The following CNTN3 variants were observed in gnomAD, a reference collection of about 807,000 sequenced individuals.
CNTN3 encodes contactin-3.
A neutral mutation model predicts 119.1 loss-of-function variants in CNTN3; 60 were observed. The ratio of observed to expected loss-of-function variants is 0.50; its 90% CI spans 0.41 to 0.62. The LOEUF is 0.62. CNTN3 is among the 20% of genes least tolerant of loss of function. The pLI, the probability that CNTN3 is intolerant of heterozygous loss-of-function variation, is 0.00. For synonymous variants in CNTN3, 450 were observed against 438.7 expected, an observed-to-expected ratio of 1.03 and a Z score of -0.32; for missense variants, 1,101 against 1,242.4, an observed-to-expected ratio of 0.89 and a Z score of 1.71.
At chr3:74,589,972 G>T (rs1323932615) in intron 1 of CNTN3, among the ~76,000 whole-genome samples, 1 of 124,150 alleles carries the variant, frequency 8.1e-6, no homozygotes, top group African/African-American at 3.0e-5. Context: ...TGGGGGGGAG[G>T]GGGGAGGGAT....
intron 3 of CNTN3, among the ~76,000 whole-genome samples, chr3:74,490,805 T>C (rs1481895628): frequency 3.9e-5 from 6 of 152,244 alleles, no homozygotes; most frequent in Admixed American, 2.6e-4. Context: ...TTTTTAAATA[T>C]GTTCCCAAAG....
intron 1 of CNTN3, among the ~76,000 whole-genome samples, chr3:74,567,889 G>T (rs1016776871): frequency 6.6e-6 from 1 of 152,086 alleles, no homozygotes. Context: ...TTGAAAACTT[G>T]GTAATCTATG....
chr3:74,510,956 A>G (rs1361652186), intron 2 of CNTN3, among the ~76,000 whole-genome samples: 1 of 151,984 alleles, frequency 6.6e-6, no homozygotes, highest in Non-Finnish European at 1.5e-5. Context: ...GTTTTTTTCA[A>G]GTTTTTGCAA....
intron 1 of CNTN3, among the ~76,000 whole-genome samples, chr3:74,560,161 A>G (rs1166948101): frequency 6.6e-6 from 1 of 152,188 alleles, no homozygotes; most frequent in African/African-American, 2.4e-5. Flanking sequence ...ACCATCAAGC[A>G]CATCATCACA....
At chr3:74,407,427 C>T (rs1487503915) in intron 5 of CNTN3, among the ~76,000 whole-genome samples, 2 of 132,704 alleles carry the variant, frequency 1.5e-5, no homozygotes, top group South Asian at 2.4e-4. Context: ...TGCCACCACG[C>T]CTGGCTAATT....
In CNTN3 at chr3:74,371,392, T is replaced by A; in HGVS notation, c.462A>T (p.Ser154=). The change falls in exon 6 of 23, where the codon TCA becomes TCT. Residue 154 remains serine, a synonymous_variant. Coordinates refer to ENST00000263665, the MANE Select transcript of CNTN3 (RefSeq NM_020872.3). The stretch of plus-strand genomic sequence containing the variant: ...GGTATTCATTGAAGATCCAAGCATA[T>A]GACAGTTCTAATAAAATTGTTGAAG... ...CGPPPHSGEL[S]YAWIFNEYPS... 2.5e-6 allele frequency: 4 copies of A among 1,611,616 alleles called. No individual in the cohort carries two copies. Among genetic ancestry groups the A allele is most frequent in the Non-Finnish European group, 3.4e-6 (4 of 1,178,072 alleles).
intron 20 of CNTN3, among the ~76,000 whole-genome samples, chr3:74,268,030 T>C (rs750024310): frequency 1.2e-4 from 18 of 152,154 alleles, no homozygotes; most frequent in Non-Finnish European, 1.9e-4. Context: ...AGAGAGTCTA[T>C]ATTTTAAAAG....
At chr3:74,266,125 G>A (rs1701656032) in intron 22 of CNTN3, among the ~76,000 whole-genome samples, 1 of 151,902 alleles carries the variant, frequency 6.6e-6, no homozygotes, top group African/African-American at 2.4e-5. Context: ...ATAATTTGTA[G>A]GAGGCAAATA....
At chr3:74,383,098 G>A (rs1028591532) in intron 5 of CNTN3, among the ~76,000 whole-genome samples, 1 of 152,176 alleles carries the variant, frequency 6.6e-6, no homozygotes, top group African/African-American at 2.4e-5. Flanking sequence ...ATAAGGAACA[G>A]TTAGACAGTG....
intron 8 of CNTN3, among the ~76,000 whole-genome samples, chr3:74,367,188 T>C (rs1704217424): frequency 6.6e-6 from 1 of 152,090 alleles, no homozygotes; most frequent in African/African-American, 2.4e-5. Context: ...ATATTGATGT[T>C]AAATAGAAAT....
chr3:74,302,725 T>C lies in CNTN3; in HGVS notation c.1751A>G (p.Asp584Gly). ...KYVCMVQTGV[D>G]SVSSAADLIV... ...GAGGTCAGCAGCAGATGAAACACTG[T>C]CCACCCCCGTTTGCACCATACAAAC... The change falls in exon 14 of 23, where the codon GAC (aspartate) becomes GGC (glycine). Residue 584 changes from aspartate (D) to glycine (G), a missense_variant. Physicochemically the swap from Asp to Gly is moderately conservative, Grantham distance 94 (BLOSUM62 -1). Coordinates refer to ENST00000263665, the MANE Select transcript of CNTN3 (RefSeq NM_020872.3). 2 of 1,613,268 alleles carry C rather than the reference T, an allele frequency of 1.2e-6. No individual in the cohort carries two copies. Among genetic ancestry groups the C allele is most frequent in the Non-Finnish European group, 1.7e-6 (2 of 1,179,420 alleles).
intron 3 of CNTN3, among the ~76,000 whole-genome samples, chr3:74,499,451 T>G (rs972685222): frequency 6.6e-6 from 1 of 151,998 alleles, no homozygotes; most frequent in Non-Finnish European, 1.5e-5. Context: ...CTTTAGGGAT[T>G]CTGCCATGAT....
chr3:74,391,833 A>T (rs1395224616), intron 5 of CNTN3, among the ~76,000 whole-genome samples: 3 of 151,758 alleles, frequency 2.0e-5, no homozygotes, highest in Admixed American at 6.6e-5. Context: ...AATTTTTTGT[A>T]TTTTAGTAGA....
intron 3 of CNTN3, among the ~76,000 whole-genome samples, chr3:74,498,834 G>T (rs1559633727): frequency 6.6e-6 from 1 of 151,832 alleles, no homozygotes; most frequent in African/African-American, 2.4e-5. Flanking sequence ...GAAAGAGCGT[G>T]TTGTTTTAAA....
intron 4 of CNTN3, among the ~76,000 whole-genome samples, chr3:74,459,952 G>A (rs1033054422): frequency 6.6e-6 from 1 of 151,972 alleles, no homozygotes; most frequent in Non-Finnish European, 1.5e-5. Flanking sequence ...ATTGCACACA[G>A]TGGTTTCAAA....
chr3:74,385,991 T>C (rs577717925), intron 5 of CNTN3, among the ~76,000 whole-genome samples: 2 of 152,274 alleles, frequency 1.3e-5, no homozygotes, highest in South Asian at 2.1e-4. Flanking sequence ...TATTAACTTA[T>C]TTTTTCCTCA....
chr3:74,479,330 T>C, intron 4 of CNTN3, among the ~76,000 whole-genome samples: 1 of 152,048 alleles, frequency 6.6e-6, no homozygotes, highest in African/African-American at 2.4e-5. Context: ...AACTGTGTTT[T>C]TTGCCATAAT....
intron 1 of CNTN3, among the ~76,000 whole-genome samples, chr3:74,571,290 G>C (rs563413663): frequency 6.6e-6 from 1 of 152,304 alleles, no homozygotes; most frequent in African/African-American, 2.4e-5. Flanking sequence ...CTCCACTTGA[G>C]TTAGACATTG....
At chr3:74,306,570 T>C (rs1409924822) in intron 13 of CNTN3, among the ~76,000 whole-genome samples, 1 of 152,136 alleles carries the variant, frequency 6.6e-6, no homozygotes, top group African/African-American at 2.4e-5. Flanking sequence ...TCCTCATATC[T>C]CTATTTTGCT....
Sources: allele counts gnomAD v4.1 joint callset (sites outside exome capture counted in the v4.1 genomes callset), GRCh38; gene constraint gnomAD v4.1.1; transcripts MANE v1.5; gene names NCBI Gene and HGNC (gene_info 2026-07-23, HGNC 2026-07-21).